The following ADGRL1 variants were observed in gnomAD, a reference collection of about 807,000 sequenced individuals.
ADGRL1 encodes the protein CIRL-1.
ADGRL1 carries 31 observed loss-of-function variants against 148.9 expected under a neutral mutation model. The observed-to-expected ratio is 0.21, with a 90% CI of 0.16 to 0.28. The LOEUF (loss-of-function observed/expected upper bound fraction) is 0.28, where lower values mean the gene tolerates loss of function less well. Among genes scored for constraint, ADGRL1 ranks in the 10% least tolerant of loss-of-function variants. The probability of loss-of-function intolerance (pLI) is 1.00; values close to 1 mark genes in which losing one functional copy is unlikely to be tolerated. For missense variants in ADGRL1, 1,521 were observed against 2,058.8 expected (o/e 0.74, Z 5.05); for synonymous variants, 937 against 900.3 (o/e 1.04, Z -0.73).
At chr19:14,167,854 G>T (rs999695925) in intron 4 of ADGRL1, among the ~76,000 whole-genome samples, 1 of 152,100 alleles carries the variant, frequency 6.6e-6, no homozygotes, top group South Asian at 2.1e-4. Flanking sequence ...TCTGAGGCTC[G>T]GCTTCTCTGC....
intron 1 of ADGRL1, among the ~76,000 whole-genome samples, chr19:14,194,658 T>A (rs974949555): frequency 1.3e-5 from 2 of 152,012 alleles, no homozygotes; most frequent in African/African-American, 4.8e-5. Context: ...GCTCCCCAGG[T>A]TGGGCTTGGT....
intron 3 of ADGRL1, 22 bp from the exon 4 acceptor site, chr19:14,170,813 T>C (rs375785382): frequency 6.2e-6 from 8 of 1,284,684 alleles, no homozygotes; most frequent in Admixed American, 3.4e-5. Flanking sequence ...AAACAGGGCA[T>C]TGGGAAAGAA....
chr19:14,154,695 C>T (rs920866393), intron 18 of ADGRL1, among the ~76,000 whole-genome samples: 1 of 151,996 alleles, frequency 6.6e-6, no homozygotes, highest in African/African-American at 2.4e-5. Flanking sequence ...CAACCTCTGC[C>T]TTTGGGGTTC....
At chr19:14,176,125 C>T (rs774088114) in intron 3 of ADGRL1, among the ~76,000 whole-genome samples, 3 of 151,810 alleles carry the variant, frequency 2.0e-5, no homozygotes, top group Non-Finnish European at 4.4e-5. Context: ...GCCAAGTGGG[C>T]GGATCATGAG....
Position 14,160,527 on chromosome 19 carries a change from C to A in ADGRL1, c.1614+66G>T. On this transcript the variant is annotated intron_variant, in intron 7 of 22. Coordinates refer to ENST00000361434, the MANE Select transcript of ADGRL1 (RefSeq NM_014921.5). This position sits in a 1 kb window ranked among gnomAD's most constrained non-coding sequence, Gnocchi z 5.9. ...CATGTCTCCCCAGCTGCTCCACGAC[C>A]CCCGCTGGGCCCTGGGCCCTGGGCC... 8.1e-7 allele frequency: 1 copy of A among 1,228,198 alleles called. No homozygotes were observed. The highest frequency in any genetic ancestry group is 2.4e-5 in the East Asian group (1 of 41,364). 76.1% of individuals were successfully genotyped at this position (1,228,198 alleles called of 1,614,324 possible).
rs1416162499 is a variant in ADGRL1 at position 14,177,696 on chromosome 19, G to A, written c.119C>T (p.Ala40Val). 3.7e-6 allele frequency: 6 copies of A among 1,613,912 alleles called. No homozygotes were observed. In the South Asian group the frequency reaches 6.6e-5, roughly 18 times the overall value. Residue 40 changes from alanine (A) to valine (V), a missense_variant, in exon 3 of 23, where the codon GCG (alanine) becomes GTG (valine). Ala to Val is a moderately conservative substitution (Grantham distance 64, BLOSUM62 0). Around this residue, in one of 8 missense-constraint regions of ADGRL1, gnomAD observed 334 missense variants for 512.5 expected, o/e 0.65. Coordinates refer to ENST00000361434, the MANE Select transcript of ADGRL1 (RefSeq NM_014921.5). ...CAGCTCGATGGGGTAGCCTTCACAC[G>A]CCAGCTCCCGGCGCATCAGCCCGAA... is the stretch of plus-strand genomic sequence containing the variant. ...LPFGLMRREL[A>V]CEGYPIELRC...
At chr19:14,179,522 G>C (rs1329409000) in intron 2 of ADGRL1, among the ~76,000 whole-genome samples, 1 of 151,902 alleles carries the variant, frequency 6.6e-6, no homozygotes, top group Non-Finnish European at 1.5e-5. Flanking sequence ...GCCAAGGAGA[G>C]AGGCCTCAGA....
chr19:14,191,051 G>A (rs575604485), intron 1 of ADGRL1: 15 of 438,460 alleles, frequency 3.4e-5, no homozygotes, highest in East Asian at 2.1e-4. Context: ...TCACGCCACC[G>A]ACTCTAGCCT....
At chr19:14,156,571 G>C in intron 16 of ADGRL1, 87 bp downstream of exon 16, 1 of 892,694 alleles carries the variant, frequency 1.1e-6, no homozygotes. Flanking sequence ...GTGTGTGGGG[G>C]GGGTGGGGGG....
intron 3 of ADGRL1, among the ~76,000 whole-genome samples, chr19:14,174,923 C>G (rs1263600342): frequency 6.6e-6 from 1 of 150,664 alleles, no homozygotes; most frequent in East Asian, 1.9e-4. Context: ...CTCATTGAAG[C>G]CTCAAACTCC....
rs142523777 is a variant in ADGRL1, at chr19:14,158,373, T to C, written c.2329A>G (p.Met777Val). Residue 777 changes from methionine to valine, a missense_variant, in exon 12 of 23, where the codon ATG becomes GTG. Around this residue, in one of 8 missense-constraint regions of ADGRL1, gnomAD observed 265 missense variants for 431.9 expected, o/e 0.61. Transcript: ENST00000361434. ...INKESSRVFL[M>V]DPVIFTVAHL... is the part of the protein sequence containing the mutation. ...GCCACGGTGAAGATGACAGGGTCCA[T>C]GAGGAAGACGCGGCTGGACTCCTTG... 22 of 1,613,742 alleles carry C rather than the reference T, an allele frequency of 1.4e-5. No homozygotes were observed. The highest frequency in any genetic ancestry group is 2.2e-5 in the East Asian group (1 of 44,876).
At chr19:14,201,971 A>G (rs1972641408) in intron 1 of ADGRL1, among the ~76,000 whole-genome samples, 1 of 152,134 alleles carries the variant, frequency 6.6e-6, no homozygotes, top group Admixed American at 6.6e-5. Context: ...TGGGGAGGTG[A>G]TATTTCAAGA....
chr19:14,204,694 T>C (rs922376112), intron 1 of ADGRL1, among the ~76,000 whole-genome samples: 4 of 130,832 alleles, frequency 3.1e-5, no homozygotes, highest in East Asian at 2.3e-4. Context: ...CAGAGAGAGA[T>C]AGAGAAAGAC....
rs1283218279 is a variant in ADGRL1 at position 14,184,642 on chromosome 19, A to ATTTTTTTT, written c.-95-946_-95-945insAAAAAAAA. Among the ~76,000 whole-genome samples the ATTTTTTTT allele has an allele frequency of 9.1e-4, 98 of 107,852 alleles. 1 individual carries two copies. Among genetic ancestry groups the ATTTTTTTT allele is most frequent in the African/African-American group, 1.2e-3 (24 of 20,260 alleles). The allele number at this position is 107,852 out of a possible 152,430, so 70.8% of individuals were successfully genotyped here. ...TATTTATTTATTTATTTATTTATTTATTTATTTTTTTTTCTGAGACGGAGT... is the reference window on the plus strand; with the variant it reads ...TATTTATTTATTTATTTATTTATTTATTTTTTTTTTTATTTTTTTTTCTGAGACGGAGT... On this transcript the variant is annotated intron_variant, in intron 1 of 22. Transcript: ENST00000361434.
At chr19:14,175,463 C>G (rs1462877845) in intron 3 of ADGRL1, among the ~76,000 whole-genome samples, 2 of 151,526 alleles carry the variant, frequency 1.3e-5, no homozygotes, top group African/African-American at 4.9e-5. Context: ...CACACCCGCT[C>G]ACACACATGC....
Position 14,183,620 on chromosome 19 carries a change from T to G in ADGRL1, c.-18A>C. Reference sequence around the variant, plus strand: ...CGGGCCATGGTGGCAGCCGGGTGCGTGTCCGGAGCTCTCAGTGGCCTGTGC... The same window carrying G: ...CGGGCCATGGTGGCAGCCGGGTGCGGGTCCGGAGCTCTCAGTGGCCTGTGC... On this transcript the variant is annotated 5_prime_UTR_variant, in exon 2 of 23. Coordinates refer to ENST00000361434, the MANE Select transcript of ADGRL1 (RefSeq NM_014921.5). The G allele has an allele frequency of 6.4e-7, 1 of 1,560,478 alleles. No homozygotes were observed. Among genetic ancestry groups the G allele is most frequent in the Non-Finnish European group, 8.7e-7 (1 of 1,151,692 alleles).
At chr19:14,204,635 C>G (rs546961804) in intron 1 of ADGRL1, among the ~76,000 whole-genome samples, 16 of 151,684 alleles carry the variant, frequency 1.1e-4, no homozygotes, top group South Asian at 1.0e-3. Context: ...GCAGTGACTC[C>G]CTACCAGGAT....
Position 14,151,276 on chromosome 19 carries a change from T to C in ADGRL1, c.4007A>G (p.Glu1336Gly), listed in dbSNP as rs1968154875. The change falls in exon 23 of 23, where the codon GAG becomes GGG. Residue 1336 changes from glutamate to glycine, a missense_variant. By Grantham distance (98) the Glu-to-Gly change is moderately conservative. This residue lies in a region of ADGRL1 where 390 missense variants were observed against 375.0 expected (regional missense o/e 1.04). Transcript: ENST00000361434. ...AEIELLYKAL[E>G]EPLLLPRAQS... ...GGCCCGGGGCAGCAGCAGAGGCTCC[T>C]CCAGGGCCTTATAGAGAAGTTCAAT... The C allele has an allele frequency of 4.3e-6, 7 of 1,611,734 alleles. No individual in the cohort carries two copies. Among genetic ancestry groups the C allele is most frequent in the African/African-American group, 2.7e-5 (2 of 74,966 alleles).
chr19:14,176,008 C>G (rs1450719853), intron 3 of ADGRL1, among the ~76,000 whole-genome samples: 3 of 150,974 alleles, frequency 2.0e-5, no homozygotes, highest in Non-Finnish European at 4.4e-5. Context: ...GAGCTGAGAT[C>G]ACACCACTGC....
Sources: allele counts gnomAD v4.1 joint callset (sites outside exome capture counted in the v4.1 genomes callset), GRCh38; gene constraint gnomAD v4.1.1; regional missense constraint gnomAD v4.1.1; non-coding constraint Gnocchi (gnomAD v3.1); transcripts MANE v1.5; gene names NCBI Gene and HGNC (gene_info 2026-07-23, HGNC 2026-07-21).